The following PCDHA11 variants were observed in gnomAD, a reference collection of about 807,000 sequenced individuals.
The protein encoded by PCDHA11 is protocadherin alpha-11.
A neutral mutation model predicts 70.3 loss-of-function variants in PCDHA11; 61 were observed. The observed-to-expected ratio is 0.87, with a 90% CI of 0.71 to 1.07. The LOEUF (loss-of-function observed/expected upper bound fraction) is 1.07, where lower values mean the gene tolerates loss of function less well. Ranked by LOEUF, PCDHA11 falls within the 50% of genes least tolerant of loss-of-function variation. PCDHA11 has a pLI of 0.00. For missense variants in PCDHA11, 1,324 were observed against 1,237.5 expected (o/e 1.07, Z -1.05); for synonymous variants, 633 against 555.1 (o/e 1.14, Z -1.97).
At chr5:140,875,465 T>C (rs1466604223) in intron 1 of PCDHA11, 9 of 1,599,572 alleles carry the variant, frequency 5.6e-6, no homozygotes, top group African/African-American at 1.3e-5. Context: ...AGGCCCTCAT[T>C]TTCTGCAATG....
intron 1 of PCDHA11, chr5:140,877,907 T>G (rs2057390973): frequency 2.1e-6 from 3 of 1,433,442 alleles, no homozygotes; most frequent in Non-Finnish European, 2.8e-6. Context: ...TATAACTACA[T>G]TCTCTCATTT....
chr5:140,875,874 A>G (rs782173743), intron 1 of PCDHA11: 2 of 1,614,188 alleles, frequency 1.2e-6, no homozygotes, highest in East Asian at 4.5e-5. Context: ...CGGTGTTCAG[A>G]GAAAGGGAAC....
At position 140,979,365 on chromosome 5, in the gene PCDHA11, C is replaced by T. The variant is rs782063202; in HGVS notation, c.2450+358C>T. Among the ~76,000 whole-genome samples, 13 of 151,916 alleles carry T rather than the reference C, an allele frequency of 8.6e-5. 1 individual carries two copies. The highest frequency in any genetic ancestry group is 1.5e-5 in the Non-Finnish European group (1 of 67,992). On this transcript the variant is annotated intron_variant, in intron 2 of 3. Coordinates refer to ENST00000398640, the MANE Select transcript of PCDHA11 (RefSeq NM_018902.5). ...TGTAATTAATACTCATGCTTTGAGA[C>T]TTGGGTACATTGTGCAATGTATACA...
intron 1 of PCDHA11, among the ~76,000 whole-genome samples, chr5:140,911,721 A>G (rs1442469379): frequency 6.6e-6 from 1 of 152,168 alleles, no homozygotes; most frequent in African/African-American, 2.4e-5. Context: ...GTAACTCTGT[A>G]AACAGTTCGT....
intron 3 of PCDHA11, among the ~76,000 whole-genome samples, chr5:141,008,201 A>T (rs2098364434): frequency 6.6e-6 from 1 of 152,212 alleles, no homozygotes; most frequent in Admixed American, 6.5e-5. Context: ...TAATATAATG[A>T]ACTTGACATG....
chr5:140,999,614 A>G (rs572897182), intron 3 of PCDHA11, among the ~76,000 whole-genome samples: 1 of 152,302 alleles, frequency 6.6e-6, no homozygotes, highest in African/African-American at 2.4e-5. Flanking sequence ...GGACCTTATC[A>G]ACCAGGAAAC....
intron 1 of PCDHA11, among the ~76,000 whole-genome samples, chr5:140,901,194 T>A (rs562699930): frequency 2.7e-4 from 41 of 152,236 alleles, no homozygotes; most frequent in Non-Finnish European, 5.1e-4. Flanking sequence ...TGCTTTTCTG[T>A]GCAGAAGGTT....
chr5:140,937,148 C>T (rs1400872734), intron 1 of PCDHA11, among the ~76,000 whole-genome samples: 6 of 151,842 alleles, frequency 4.0e-5, no homozygotes, highest in Non-Finnish European at 8.8e-5. Flanking sequence ...TGCCATTCTC[C>T]TGCCTCAGCC....
At chr5:140,890,753 C>G (rs1274674281) in intron 1 of PCDHA11, among the ~76,000 whole-genome samples, 1 of 152,114 alleles carries the variant, frequency 6.6e-6, no homozygotes, top group African/African-American at 2.4e-5. Context: ...TTCTGTCATG[C>G]TTTAAAAATA....
rs114961630 is a variant in PCDHA11 at position 140,926,715 on chromosome 5, G to A, written c.2392-52234G>A. 1,110 of 952,350 alleles carry A rather than the reference G, an allele frequency of 1.2e-3. 9 individuals carry two copies. The African/African-American group carries it at 0.017, about 15-fold the overall frequency. The allele number at this position is 952,350 out of a possible 1,614,324, so 59.0% of individuals were successfully genotyped here. A position where few individuals can be genotyped will look rare whatever the true frequency, so the allele number is the denominator to read the frequency against. On this transcript the variant is annotated intron_variant, in intron 1 of 3. Transcript: ENST00000398640. ...GCCCGGCTCCCAGCTGGCCAGCCCC[G>A]GCAATGCCGGCGTTCGGGAGGCGCA... is the stretch of plus-strand genomic sequence containing the variant.
intron 1 of PCDHA11, among the ~76,000 whole-genome samples, chr5:140,973,558 T>C (rs1427190876): frequency 6.6e-6 from 1 of 152,238 alleles, no homozygotes; most frequent in Admixed American, 6.5e-5. Flanking sequence ...AATTACCTCT[T>C]TCCTCAATTT....
intron 1 of PCDHA11, among the ~76,000 whole-genome samples, chr5:140,891,388 C>A (rs2063075244): frequency 6.6e-6 from 1 of 151,946 alleles, no homozygotes; most frequent in South Asian, 2.1e-4. Flanking sequence ...TATTTGCAAT[C>A]TTTTATCCCT....
intron 3 of PCDHA11, among the ~76,000 whole-genome samples, chr5:140,998,363 A>G (rs568271579): frequency 6.6e-6 from 1 of 152,316 alleles, no homozygotes; most frequent in Admixed American, 6.5e-5. Flanking sequence ...TAACCACTGC[A>G]CACACCGTCT....
At chr5:140,962,358 T>C (rs1167082870) in intron 1 of PCDHA11, among the ~76,000 whole-genome samples, 4 of 152,230 alleles carry the variant, frequency 2.6e-5, no homozygotes, top group Non-Finnish European at 5.9e-5. Context: ...CCCCCAATAC[T>C]GGCTAGTTTG....
At chr5:140,942,619 TAA>T (rs35075175) in intron 1 of PCDHA11, among the ~76,000 whole-genome samples, 10 of 148,966 alleles carry the variant, frequency 6.7e-5, no homozygotes, top group Middle Eastern at 3.4e-3. Context: ...TTGCCAATTG[TAA>T]AAAAAAAAAT....
intron 1 of PCDHA11, chr5:140,966,963 G>C: frequency 6.2e-7 from 1 of 1,602,992 alleles, no homozygotes; most frequent in Non-Finnish European, 8.5e-7. Context: ...CGCGCGCTGG[G>C]GCTTGAGCTG....
chr5:140,911,485 A>G (rs1387982810), intron 1 of PCDHA11, among the ~76,000 whole-genome samples: 1 of 152,152 alleles, frequency 6.6e-6, no homozygotes, highest in East Asian at 1.9e-4. Context: ...ACTCAGGGCA[A>G]TCTTAGCAGG....
intron 1 of PCDHA11, among the ~76,000 whole-genome samples, chr5:140,965,923 G>T (rs1418904178): frequency 1.3e-5 from 2 of 152,232 alleles, no homozygotes; most frequent in African/African-American, 4.8e-5. Context: ...TTTTAGGCTT[G>T]CTCCCGGAAA....
At chr5:140,958,218 A>C (rs1240262632) in intron 1 of PCDHA11, among the ~76,000 whole-genome samples, 2 of 152,120 alleles carry the variant, frequency 1.3e-5, no homozygotes, top group Admixed American at 1.3e-4. Flanking sequence ...TTAGATTTTA[A>C]AGGACTTTCA....
Sources: gnomAD v4.1 joint callset for allele counts (sites outside exome capture counted in the v4.1 genomes callset) on GRCh38, gnomAD v4.1.1 for gene constraint, MANE v1.5 for transcripts, NCBI Gene and HGNC (gene_info 2026-07-23, HGNC 2026-07-21) for gene names.